ELP4: variants seen among roughly 807,000 people sequenced by gnomAD.
ELP4 encodes the protein elongator acetyltransferase complex subunit 4.
Under a neutral mutation model 48.9 loss-of-function variants are expected in ELP4, and 51 were observed. The observed-to-expected ratio is 1.04, with a 90% confidence interval of 0.83 to 1.32. ELP4 has a LOEUF of 1.32. Among genes scored for constraint, ELP4 ranks in the 40% most tolerant of loss-of-function variants. The pLI is 0.00. For synonymous variants in ELP4, 210 were observed against 189.2 expected (o/e 1.11, Z -0.90); for missense variants, 519 against 514.6 (o/e 1.01, Z -0.08).
In ELP4 at chr11:31,609,819, T is replaced by A. The variant is rs117420444; in HGVS notation, c.653+5912T>A. ...GGTCGCGGCAGGAGGATCAATCACT[T>A]GAGCCCAGGATTTCAAGACCAGCCT... On this transcript the variant is annotated intron_variant, in intron 5 of 9. Transcript: ENST00000640961. Among the ~76,000 whole-genome samples, 1,253 of 152,166 alleles carry A rather than the reference T, an allele frequency of 8.2e-3. 9 individuals are homozygous for A. Among genetic ancestry groups the A allele is most frequent in the Non-Finnish European group, 0.013 (881 of 67,990 alleles).
chr11:31,789,914 T>C lies in ELP4; in HGVS notation c.*6390T>C. 4.4e-6 allele frequency: 1 copy of C among 226,454 alleles called. No homozygotes were observed. The highest frequency in any genetic ancestry group is 7.1e-6 in the Non-Finnish European group (1 of 141,190). The allele number at this position is 226,454 out of a possible 1,614,324, so 14.0% of individuals were successfully genotyped here. Reference sequence around the variant, plus strand: ...GAATTAACACAATATTTCCTTTCCTTTTTTTTTTTTTTTTTTTTTTTACTG... The same window carrying C: ...GAATTAACACAATATTTCCTTTCCTCTTTTTTTTTTTTTTTTTTTTTACTG... On this transcript the variant is annotated 3_prime_UTR_variant, in exon 10 of 10. Coordinates refer to ENST00000640961, the MANE Select transcript of ELP4 (RefSeq NM_019040.5).
intron 4 of ELP4, 36 bp from the exon 5 acceptor site, chr11:31,603,732 A>G (rs1957822242): frequency 1.9e-6 from 3 of 1,577,678 alleles, no homozygotes; most frequent in Non-Finnish European, 2.6e-6. Flanking sequence ...CTTAAAAATA[A>G]TTGTTTAACA....
intron 6 of ELP4, among the ~76,000 whole-genome samples, chr11:31,629,780 T>G (rs1944819912): frequency 8.3e-6 from 1 of 120,820 alleles, no homozygotes; most frequent in Non-Finnish European, 1.9e-5. Flanking sequence ...TTTTTTTTTT[T>G]GTATGTTTCT....
intron 9 of ELP4, among the ~76,000 whole-genome samples, chr11:31,692,242 C>A (rs1278114836): frequency 6.6e-6 from 1 of 151,980 alleles, no homozygotes; most frequent in Non-Finnish European, 1.5e-5. Flanking sequence ...TTAATGTAGC[C>A]CAAATATTAG....
intron 9 of ELP4, among the ~76,000 whole-genome samples, chr11:31,772,967 A>G (rs1005837668): frequency 6.6e-6 from 1 of 152,226 alleles, no homozygotes; most frequent in African/African-American, 2.4e-5. Flanking sequence ...TCCTTTGTCC[A>G]TCATCCTGCA....
At chr11:31,580,497 A>G (rs1957370751) in intron 3 of ELP4, among the ~76,000 whole-genome samples, 1 of 152,056 alleles carries the variant, frequency 6.6e-6, no homozygotes. Context: ...TTTTCCTTCC[A>G]ATTTTTATGT....
Position 31,785,968 on chromosome 11 carries a change from A to G in ELP4, c.*2444A>G, listed in dbSNP as rs190491652. 9.9e-5 allele frequency: 20 copies of G among 201,188 alleles called. No individual in the cohort carries two copies. The highest frequency in any genetic ancestry group is 1.7e-3 in the Middle Eastern group (1 of 592). The allele number at this position is 201,188 out of a possible 1,614,324, so 12.5% of individuals were successfully genotyped here. On this transcript the variant is annotated 3_prime_UTR_variant, in exon 10 of 10. Coordinates refer to ENST00000640961, the MANE Select transcript of ELP4 (RefSeq NM_019040.5). ...TCTAGTATATGAACTTCAAAACCCT[A>G]TATGGTACTCATTTCTTACACTAGA...
chr11:31,683,035 T>C (rs1031334738), intron 9 of ELP4, among the ~76,000 whole-genome samples: 2 of 152,208 alleles, frequency 1.3e-5, no homozygotes, highest in African/African-American at 4.8e-5. Flanking sequence ...ATATTTTATG[T>C]ATATTTACAT....
intron 3 of ELP4, among the ~76,000 whole-genome samples, chr11:31,564,130 A>G (rs1287228313): frequency 1.3e-5 from 2 of 152,206 alleles, no homozygotes; most frequent in Non-Finnish European, 2.9e-5. Context: ...TAATGTTGGC[A>G]TACTTAAAAA....
At chr11:31,619,843 AGT>A (rs1326744829) in intron 5 of ELP4, among the ~76,000 whole-genome samples, 2 of 151,728 alleles carry the variant, frequency 1.3e-5, no homozygotes, top group Non-Finnish European at 2.9e-5. Flanking sequence ...AAAAGGCCCC[AGT>A]GTGTGTTGTT....
chr11:31,679,566 A>G (rs1335863653), intron 9 of ELP4, among the ~76,000 whole-genome samples: 1 of 152,198 alleles, frequency 6.6e-6, no homozygotes, highest in Non-Finnish European at 1.5e-5. Flanking sequence ...GACACCAGTC[A>G]TATTGGATTA....
intron 7 of ELP4, among the ~76,000 whole-genome samples, chr11:31,645,141 A>G (rs991958461): frequency 1.3e-5 from 2 of 151,746 alleles, no homozygotes; most frequent in African/African-American, 2.4e-5. Context: ...TTTTTTCAAT[A>G]GACTCTTGTT....
At chr11:31,781,588 TC>T (rs2134287128) in intron 9 of ELP4, among the ~76,000 whole-genome samples, 1 of 130,788 alleles carries the variant, frequency 7.6e-6, no homozygotes, top group African/African-American at 2.9e-5. Flanking sequence ...ATCCTCCGAC[TC>T]CCTGGTTCAA....
chr11:31,529,317 C>A (rs1488165588), intron 2 of ELP4, among the ~76,000 whole-genome samples: 2 of 152,070 alleles, frequency 1.3e-5, no homozygotes. Context: ...CCCTTTCCCA[C>A]AATTGGGGTC....
chr11:31,764,225 T>C (rs897792651), intron 9 of ELP4, among the ~76,000 whole-genome samples: 1 of 152,196 alleles, frequency 6.6e-6, no homozygotes. Flanking sequence ...TTACTTATTG[T>C]CCTGACACCG....
At chr11:31,768,120 A>C (rs865917520) in intron 9 of ELP4, among the ~76,000 whole-genome samples, 4 of 152,180 alleles carry the variant, frequency 2.6e-5, no homozygotes, top group Middle Eastern at 3.2e-3. Flanking sequence ...TCTGATACTT[A>C]AGATTTTTTT....
chr11:31,592,808 C>G (rs1378109566), intron 3 of ELP4, among the ~76,000 whole-genome samples: 9 of 151,902 alleles, frequency 5.9e-5, no homozygotes, highest in Admixed American at 5.9e-4. Context: ...ATTTTATAGT[C>G]TCATCTTGTT....
chr11:31,572,604 C>T (rs1279850702), intron 3 of ELP4, among the ~76,000 whole-genome samples: 1 of 152,160 alleles, frequency 6.6e-6, no homozygotes, highest in Non-Finnish European at 1.5e-5. Context: ...GATTGTCTAT[C>T]TATCTATCTG....
chr11:31,722,528 C>A (rs1341959971), intron 9 of ELP4, among the ~76,000 whole-genome samples: 1 of 152,040 alleles, frequency 6.6e-6, no homozygotes, highest in African/African-American at 2.4e-5. Flanking sequence ...AGAAAGTAAG[C>A]CTTGCAGACA....
Sources: allele counts gnomAD v4.1 joint callset (sites outside exome capture counted in the v4.1 genomes callset), GRCh38; gene constraint gnomAD v4.1.1; transcripts MANE v1.5; gene names NCBI Gene and HGNC (gene_info 2026-07-23, HGNC 2026-07-21).